Variants in PLG observed in about 807,000 individuals in gnomAD.
The protein encoded by PLG is plasminogen.
Under a neutral mutation model 104.4 loss-of-function variants are expected in PLG, and 41 were observed. The observed-to-expected ratio is 0.39, with a 90% CI of 0.31 to 0.51. PLG has a LOEUF of 0.51. PLG is among the 20% of genes least tolerant of loss of function. The probability of loss-of-function intolerance (pLI) is 0.76; values close to 1 mark genes in which losing one functional copy is unlikely to be tolerated. For missense variants in PLG, 891 were observed against 1,003.6 expected (o/e 0.89, Z 1.52); for synonymous variants, 337 against 357.1 (o/e 0.94, Z 0.63).
intron 10 of PLG, among the ~76,000 whole-genome samples, chr6:160,728,083 T>C (rs1312634681): frequency 2.6e-5 from 4 of 151,968 alleles, no homozygotes; most frequent in Admixed American, 2.6e-4. Flanking sequence ...ATAATTAAAT[T>C]TTGCAAGATT....
chr6:160,722,782 G>A (rs1214803635), intron 10 of PLG, among the ~76,000 whole-genome samples: 1 of 152,182 alleles, frequency 6.6e-6, no homozygotes, highest in African/African-American at 2.4e-5. Flanking sequence ...TTTTATGGAT[G>A]CAGGAGGACA....
Position 160,731,174 on chromosome 6 carries a change from T to A in PLG, c.1380T>A (p.Ser460Arg), listed in dbSNP as rs116573785. ...AAAAATGCTCAGGAACAGAAGCGAGTGTTGTAGCACCTCCGCCTGTTGTCC... is the reference window on the plus strand; with the variant it reads ...AAAAATGCTCAGGAACAGAAGCGAGAGTTGTAGCACCTCCGCCTGTTGTCC... ...NLKKCSGTEA[S>R]VVAPPPVVLL... The change falls in exon 11 of 19, where the codon AGT (serine) becomes AGA (arginine). Residue 460 changes from serine (S) to arginine (R), a missense_variant. Physicochemically the swap from Ser to Arg is moderately radical, Grantham distance 110. This residue lies in a region of PLG where 854 missense variants were observed against 932.1 expected (regional missense o/e 0.92). Transcript: ENST00000308192. This position sits in a 1 kb window ranked among gnomAD's most constrained non-coding sequence, Gnocchi z 5.1. 6,015 of 1,613,750 alleles carry A rather than the reference T, an allele frequency of 3.7e-3. 195 individuals are homozygous for A. The Middle Eastern group carries it at 0.1, about 27-fold the overall frequency.
At chr6:160,720,324 CTT>C (rs1450170610) in intron 9 of PLG, among the ~76,000 whole-genome samples, 1 of 143,234 alleles carries the variant, frequency 7.0e-6, no homozygotes, top group African/African-American at 2.6e-5. Context: ...TTATTAATTT[CTT>C]TGTGTTTAAT....
intron 4 of PLG, chr6:160,711,757 G>A: frequency 1.2e-6 from 2 of 1,600,546 alleles, no homozygotes; most frequent in Non-Finnish European, 1.7e-6. Context: ...TCTGAGAAAA[G>A]ATCAAAGATG....
In PLG at chr6:160,737,004, C is replaced by T. The variant is rs1050859768; in HGVS notation, c.1799C>T (p.Thr600Ile). The T allele has an allele frequency of 1.2e-6, 2 of 1,613,132 alleles. No individual in the cohort carries two copies. Among genetic ancestry groups the T allele is most frequent in the Non-Finnish European group, 1.7e-6 (2 of 1,179,834 alleles). The change falls in exon 14 of 19, where the codon ACA (threonine) becomes ATA (isoleucine). Residue 600 changes from threonine (T) to isoleucine (I), a missense_variant. Transcript: ENST00000308192. The surrounding 1 kb of genome is among the most constrained non-coding windows in gnomAD (Gnocchi z 4.7). ...TGGCCCTGGCAAGTCAGTCTTAGAA[C>T]AAGGTAAGAACAGGCCCAGAAACGA... is the stretch of plus-strand genomic sequence containing the variant. ...HSWPWQVSLR[T>I]RFGMHFCGGT...
Position 160,718,441 on chromosome 6 carries a change from A to C in PLG, c.935A>C (p.Glu312Ala). Residue 312 changes from glutamate (E) to alanine (A), a missense_variant, in exon 8 of 19, where the codon GAA becomes GCA. Physicochemically the swap from Glu to Ala is moderately radical, Grantham distance 107 (BLOSUM62 -1). Transcript: ENST00000308192. ...QTPHTHNRTP[E>A]NFPCKNLDEN... ...CCTCACACACATAACAGGACACCAG[A>C]AAACTTCCCCTGCAAGTAAGTCCCC... 6.2e-7 allele frequency: 1 copy of C among 1,613,486 alleles called. No homozygotes were observed. The highest frequency in any genetic ancestry group is 2.2e-5 in the East Asian group (1 of 44,870).
At position 160,753,765 on chromosome 6, in the gene PLG, T is replaced by C. The variant is rs1045740080; in HGVS notation, c.*704T>C. 2.6e-5 allele frequency among the ~76,000 whole-genome samples: 4 copies of C among 152,048 alleles called. No homozygotes were observed. Among genetic ancestry groups the C allele is most frequent in the African/African-American group, 9.7e-5 (4 of 41,368 alleles). Reference sequence around the variant, plus strand: ...AGCATGTAAATGAACAACAAGCAAATATTGAAGGTGGACCACTTATTTCCC... The same window carrying C: ...AGCATGTAAATGAACAACAAGCAAACATTGAAGGTGGACCACTTATTTCCC... On this transcript the variant is annotated 3_prime_UTR_variant, in exon 19 of 19. Transcript: ENST00000308192. This position sits in a 1 kb window ranked among gnomAD's most constrained non-coding sequence, Gnocchi z 5.4.
Position 160,741,472 on chromosome 6 carries a change from T to G in PLG, c.2125+55T>G. On this transcript the variant is annotated intron_variant, in intron 17 of 18. Coordinates refer to ENST00000308192, the MANE Select transcript of PLG (RefSeq NM_000301.5). This position sits in a 1 kb window ranked among gnomAD's most constrained non-coding sequence, Gnocchi z 4.7. ...AATTGGTTTTGACCTACAGTCCATG[T>G]GACAAAATGATCATTTTGGAGAAAG... The G allele has an allele frequency of 3.0e-6, 3 of 990,542 alleles. No homozygotes were observed. Among genetic ancestry groups the G allele is most frequent in the Non-Finnish European group, 4.9e-6 (3 of 613,578 alleles). The allele number at this position is 990,542 out of a possible 1,614,324, so 61.4% of individuals were successfully genotyped here. A position where few individuals can be genotyped will look rare whatever the true frequency, so the allele number is the denominator to read the frequency against.
chr6:160,707,439 G>A (rs1157147829), intron 2 of PLG, among the ~76,000 whole-genome samples: 1 of 152,080 alleles, frequency 6.6e-6, no homozygotes, highest in Non-Finnish European at 1.5e-5. Flanking sequence ...GAGTGAAGAA[G>A]AAGTAAAGCA....
At chr6:160,748,378 AAGAAAGAAAG>A (rs1778321995) in intron 17 of PLG, among the ~76,000 whole-genome samples, 1 of 41,734 alleles carries the variant, frequency 2.4e-5, no homozygotes, top group South Asian at 1.4e-3. Context: ...GAAAGAAAGA[AAGAAAGAAAG>A]AAAGAAAGAA....
Position 160,748,453 on chromosome 6 carries a change from G to A in PLG, c.2126-3662G>A, listed in dbSNP as rs1207773700. ...GAACGAAAGAAAGAAGGGAGGGAGG[G>A]AGGGAGGGAGGGAGGGAGGGAGGAA... On this transcript the variant is annotated intron_variant, in intron 17 of 18. Transcript: ENST00000308192. Among the ~76,000 whole-genome samples, 57 of 121,858 alleles carry A rather than the reference G, an allele frequency of 4.7e-4. 1 individual carries two copies. Among genetic ancestry groups the A allele is most frequent in the African/African-American group, 1.1e-3 (28 of 25,904 alleles). 79.9% of individuals were successfully genotyped at this position (121,858 alleles called of 152,430 possible). A position where few individuals can be genotyped will look rare whatever the true frequency, so the allele number is the denominator to read the frequency against.
At position 160,740,487 on chromosome 6, in the gene PLG, G is replaced by A. The variant is rs1778173298; in HGVS notation, c.2019-824G>A. ...CCCACATCCCCACACCCCGAGTCTA[G>A]GGCATTTAGTGCTCCACCAGGGAAC... On this transcript the variant is annotated intron_variant, in intron 16 of 18. Coordinates refer to ENST00000308192, the MANE Select transcript of PLG (RefSeq NM_000301.5). This position sits in a 1 kb window ranked among gnomAD's most constrained non-coding sequence, Gnocchi z 5.2. Among the ~76,000 whole-genome samples the A allele has an allele frequency of 6.6e-6, 1 of 152,152 alleles. No homozygotes were observed.
At chr6:160,746,332 C>T (rs375471467) in intron 17 of PLG, among the ~76,000 whole-genome samples, 5 of 152,094 alleles carry the variant, frequency 3.3e-5, no homozygotes, top group Non-Finnish European at 7.4e-5. Flanking sequence ...CCTTTTCATT[C>T]TTTTTTCTTA....
chr6:160,708,129 C>T (rs1777566147), intron 3 of PLG: 1 of 257,120 alleles, frequency 3.9e-6, no homozygotes, highest in Admixed American at 5.1e-5. Flanking sequence ...TCTAAGCATT[C>T]CTTTTGGTCT....
rs1159514794 is a variant in PLG, at chr6:160,731,159, A to T, written c.1365A>T (p.Ser455=). ...RWEYCNLKKC[S]GTEASVVAPP... is the part of the protein sequence containing the mutation. ...AGTACTGCAACCTGAAAAAATGCTC[A>T]GGAACAGAAGCGAGTGTTGTAGCAC... is the stretch of plus-strand genomic sequence containing the variant. The change falls in exon 11 of 19, where the codon TCA becomes TCT. Residue 455 remains serine, a synonymous_variant. Coordinates refer to ENST00000308192, the MANE Select transcript of PLG (RefSeq NM_000301.5). This position sits in a 1 kb window ranked among gnomAD's most constrained non-coding sequence, Gnocchi z 5.1. The T allele has an allele frequency of 6.2e-7, 1 of 1,614,036 alleles. No individual in the cohort carries two copies. Among genetic ancestry groups the T allele is most frequent in the Non-Finnish European group, 8.5e-7 (1 of 1,180,018 alleles).
chr6:160,732,919 C>G lies in PLG; in HGVS notation c.1587+1026C>G, dbSNP rs1020242713. The stretch of plus-strand genomic sequence containing the variant: ...TTCATTACAGAGGCACAGTTGAATA[C>G]ATCGTTGGCCATTGGAGACCAGCTC... On this transcript the variant is annotated intron_variant, in intron 12 of 18. Coordinates refer to ENST00000308192, the MANE Select transcript of PLG (RefSeq NM_000301.5). This position sits in a 1 kb window ranked among gnomAD's most constrained non-coding sequence, Gnocchi z 4.5. Among the ~76,000 whole-genome samples the G allele has an allele frequency of 3.9e-5, 6 of 152,154 alleles. No homozygotes were observed. Among genetic ancestry groups the G allele is most frequent in the African/African-American group, 1.4e-4 (6 of 41,428 alleles).
chr6:160,727,446 T>A (rs1777937048), intron 10 of PLG, among the ~76,000 whole-genome samples: 3 of 151,076 alleles, frequency 2.0e-5, no homozygotes, highest in Admixed American at 2.0e-4. Context: ...TTGACTCAAT[T>A]TGTGAGAAAA....
intron 10 of PLG, among the ~76,000 whole-genome samples, chr6:160,727,156 G>A (rs114056944): frequency 0.021 from 3,142 of 151,578 alleles, 106 homozygotes; most frequent in African/African-American, 0.071. Flanking sequence ...GCAACTTTAC[G>A]TTAACAAATT....
In PLG at chr6:160,738,617, G is replaced by A. The variant is rs1410441759; in HGVS notation, c.1877+5G>A. 13 of 1,572,234 alleles carry A rather than the reference G, an allele frequency of 8.3e-6. No homozygotes were observed. The highest frequency in any genetic ancestry group is 1.1e-5 in the Non-Finnish European group (12 of 1,141,696). ...TGCTGCCCACTGCTTGGAGAAGTAT[G>A]TTTAGGGGACAATTGACATGAAGTC... On this transcript the variant is annotated splice_donor_5th_base_variant and intron_variant, in intron 15 of 18. Transcript: ENST00000308192. The surrounding 1 kb of genome is among the most constrained non-coding windows in gnomAD (Gnocchi z 6.8).
Sources: gnomAD v4.1 joint callset for allele counts (sites outside exome capture counted in the v4.1 genomes callset) on GRCh38, gnomAD v4.1.1 for gene constraint, gnomAD v4.1.1 regional missense constraint, Gnocchi (gnomAD v3.1) non-coding constraint, MANE v1.5 for transcripts, NCBI Gene and HGNC (gene_info 2026-07-23, HGNC 2026-07-21) for gene names.